The following ANKIB1 variants were observed in gnomAD, a reference collection of about 807,000 sequenced individuals.
ANKIB1 encodes ankyrin repeat and IBR domain containing 1.
ANKIB1 carries 43 observed loss-of-function variants against 122.1 expected under a neutral mutation model. That is an observed-to-expected ratio of 0.35 (90% CI 0.28 to 0.45). The LOEUF is 0.45. ANKIB1 is among the 20% of genes least tolerant of loss of function. The pLI, the probability that ANKIB1 is intolerant of heterozygous loss-of-function variation, is 1.00. For synonymous variants in ANKIB1, 390 were observed against 442.0 expected (o/e 0.88, Z 1.48); for missense variants, 992 against 1,329.5 (o/e 0.75, Z 3.95).
chr7:92,300,023 T>A (rs978654728), intron 2 of ANKIB1, among the ~76,000 whole-genome samples: 7 of 152,112 alleles, frequency 4.6e-5, no homozygotes, highest in Non-Finnish European at 1.0e-4. Flanking sequence ...GGCAGATAGA[T>A]CTTGAACTCC....
At chr7:92,275,402 C>T (rs1037830230) in intron 1 of ANKIB1, among the ~76,000 whole-genome samples, 4 of 152,018 alleles carry the variant, frequency 2.6e-5, no homozygotes, top group African/African-American at 9.7e-5. Flanking sequence ...TGATTTCTTC[C>T]TGTGAGTTGG....
At chr7:92,317,224 G>A (rs780137285) in intron 3 of ANKIB1, among the ~76,000 whole-genome samples, 2 of 152,198 alleles carry the variant, frequency 1.3e-5, no homozygotes, top group Non-Finnish European at 2.9e-5. Context: ...CACATTGGTT[G>A]TACTTTAGGC....
chr7:92,266,134 C>T (rs1328775516), intron 1 of ANKIB1, among the ~76,000 whole-genome samples: 3 of 152,028 alleles, frequency 2.0e-5, no homozygotes, highest in Non-Finnish European at 4.4e-5. Flanking sequence ...GACAGGAGGT[C>T]CTGGTATCTT....
chr7:92,357,732 CAAA>C (rs961949515), intron 9 of ANKIB1, among the ~76,000 whole-genome samples: 2 of 75,042 alleles, frequency 2.7e-5, no homozygotes, highest in Non-Finnish European at 2.7e-5. Context: ...AAGACTCTCT[CAAA>C]AAAAAAAAAA....
chr7:92,371,213 G>C (rs1345459563), intron 10 of ANKIB1, among the ~76,000 whole-genome samples: 3 of 147,774 alleles, frequency 2.0e-5, no homozygotes, highest in Admixed American at 6.7e-5. Flanking sequence ...TATTGTTTTT[G>C]ATCCCAGTTT....
At chr7:92,359,715 A>G (rs1319478674) in intron 9 of ANKIB1, among the ~76,000 whole-genome samples, 3 of 152,188 alleles carry the variant, frequency 2.0e-5, no homozygotes, top group Non-Finnish European at 2.9e-5. Flanking sequence ...ATTTTTCCAC[A>G]TCCTCTCCAG....
At chr7:92,327,971 C>A in intron 5 of ANKIB1, 71 bp downstream of exon 5, 2 of 1,003,748 alleles carry the variant, frequency 2.0e-6, no homozygotes, top group Non-Finnish European at 2.9e-6. Flanking sequence ...TTTAAAAGGG[C>A]TATTTTTGTA....
chr7:92,295,187 A>T (rs1350576141), intron 2 of ANKIB1, 21 bp downstream of exon 2: 2 of 1,504,396 alleles, frequency 1.3e-6, no homozygotes, highest in East Asian at 4.9e-5. Flanking sequence ...CTATAAACTA[A>T]TTGGTATTAG....
chr7:92,341,467 T>C (rs1245061846), intron 5 of ANKIB1, among the ~76,000 whole-genome samples: 4 of 151,514 alleles, frequency 2.6e-5, no homozygotes, highest in Non-Finnish European at 5.9e-5. Flanking sequence ...ATAACTGCAC[T>C]GATGCAGATT....
At chr7:92,288,051 A>C (rs12539439) in intron 1 of ANKIB1, among the ~76,000 whole-genome samples, 44,351 of 146,810 alleles carry the variant, frequency 0.3, 7,218 homozygotes, top group Non-Finnish European at 0.35. Flanking sequence ...AAAAAAAAAA[A>C]AAAAAACTGC....
At chr7:92,253,185 C>T (rs889399927) in intron 1 of ANKIB1, among the ~76,000 whole-genome samples, 11 of 152,194 alleles carry the variant, frequency 7.2e-5, no homozygotes, top group African/African-American at 2.7e-4. Context: ...CTAGCTTTCT[C>T]CCTTGAAATG....
chr7:92,267,899 A>C (rs1275993552), intron 1 of ANKIB1, among the ~76,000 whole-genome samples: 1 of 152,186 alleles, frequency 6.6e-6, no homozygotes, highest in Admixed American at 6.5e-5. Flanking sequence ...GAGATAACAT[A>C]ATTTTTGGAA....
chr7:92,333,514 C>G (rs1562784785), intron 5 of ANKIB1, among the ~76,000 whole-genome samples: 1 of 152,148 alleles, frequency 6.6e-6, no homozygotes, highest in African/African-American at 2.4e-5. Context: ...CTAGGGATGC[C>G]CTCTCTGACC....
intron 2 of ANKIB1, among the ~76,000 whole-genome samples, chr7:92,305,393 A>C (rs1038325779): frequency 6.6e-6 from 1 of 152,168 alleles, no homozygotes; most frequent in African/African-American, 2.4e-5. Flanking sequence ...TATGCATCCA[A>C]TTCATTTATC....
At chr7:92,274,919 CCT>C in intron 1 of ANKIB1, among the ~76,000 whole-genome samples, 1 of 152,106 alleles carries the variant, frequency 6.6e-6, no homozygotes, top group East Asian at 1.9e-4. Flanking sequence ...AGAATGAGAC[CCT>C]GTCTCAAAAA....
Position 92,392,304 on chromosome 7 carries a change from A to G in ANKIB1, c.2283+12A>G. ...TTGCATCACCAGAGGTAATTGTTTT[A>G]TGGGGTTTTTGTTTTTGTATTTTTT... On this transcript the variant is annotated intron_variant, in intron 17 of 19. Transcript: ENST00000265742. 6.2e-7 allele frequency: 1 copy of G among 1,608,706 alleles called. No individual in the cohort carries two copies. Among genetic ancestry groups the G allele is most frequent in the South Asian group, 1.1e-5 (1 of 90,136 alleles).
chr7:92,299,951 T>A (rs1235268708), intron 2 of ANKIB1, among the ~76,000 whole-genome samples: 7 of 152,124 alleles, frequency 4.6e-5, no homozygotes, highest in Non-Finnish European at 8.8e-5. Flanking sequence ...ACTACAGGCA[T>A]GTGCCACTAT....
intron 11 of ANKIB1, among the ~76,000 whole-genome samples, chr7:92,380,095 TCC>T (rs1804476838): frequency 6.6e-6 from 1 of 152,170 alleles, no homozygotes; most frequent in Admixed American, 6.5e-5. Flanking sequence ...GGAGATTATA[TCC>T]CACACCTGGC....
intron 11 of ANKIB1, among the ~76,000 whole-genome samples, chr7:92,382,744 G>A (rs1263466374): frequency 6.6e-6 from 1 of 152,188 alleles, no homozygotes; most frequent in Non-Finnish European, 1.5e-5. Context: ...AAAGCAGTGT[G>A]CAGAGGGAAA....
Sources: allele counts gnomAD v4.1 joint callset (sites outside exome capture counted in the v4.1 genomes callset), GRCh38; gene constraint gnomAD v4.1.1; transcripts MANE v1.5; gene names NCBI Gene and HGNC (gene_info 2026-07-23, HGNC 2026-07-21).